The following ICA1 variants were observed in gnomAD, a reference collection of about 807,000 sequenced individuals.
The protein encoded by ICA1 is islet cell autoantigen 1, also known as 69 kDa islet cell autoantigen.
A neutral mutation model predicts 71.0 loss-of-function variants in ICA1; 40 were observed. The observed-to-expected ratio is 0.56, with a 90% CI of 0.44 to 0.73. The LOEUF is 0.73. Ranked by LOEUF, ICA1 falls within the 30% of genes least tolerant of loss-of-function variation. The pLI is 0.00. For missense variants in ICA1, 578 were observed against 576.5 expected (o/e 1.00, Z -0.03); for synonymous variants, 207 against 209.5 (o/e 0.99, Z 0.10).
chr7:8,133,384 C>T (rs1369597240), intron 12 of ICA1, among the ~76,000 whole-genome samples: 3 of 152,166 alleles, frequency 2.0e-5, no homozygotes, highest in Non-Finnish European at 2.9e-5. Context: ...GCTTGAATGC[C>T]TTCTGAGTAG....
At chr7:8,209,028 C>A (rs1007563038) in intron 6 of ICA1, among the ~76,000 whole-genome samples, 2 of 152,138 alleles carry the variant, frequency 1.3e-5, no homozygotes, top group African/African-American at 4.8e-5. Flanking sequence ...TTCTAGAAGC[C>A]AAGCTTGCAT....
chr7:8,165,678 T>A (rs1288843593), intron 6 of ICA1, among the ~76,000 whole-genome samples: 2 of 95,770 alleles, frequency 2.1e-5, no homozygotes, highest in African/African-American at 4.3e-5. Context: ...AGCAAAGTCT[T>A]AAAATATAAA....
At position 8,113,772 on chromosome 7, in the gene ICA1, T is replaced by C. The variant is rs761392983; in HGVS notation, c.*151A>G. On this transcript the variant is annotated 3_prime_UTR_variant, in exon 14 of 14. Transcript: ENST00000402384. This position sits in a 1 kb window ranked among gnomAD's most constrained non-coding sequence, Gnocchi z 4.2. Reference sequence around the variant, plus strand: ...CTTTATACCAAATAAGAGTAAATAATTATACCAATATAAACAGGGCCGTTG... The same window carrying C: ...CTTTATACCAAATAAGAGTAAATAACTATACCAATATAAACAGGGCCGTTG... 1.4e-6 allele frequency: 1 copy of C among 737,806 alleles called. No individual in the cohort carries two copies. The allele number at this position is 737,806 out of a possible 1,614,324, so 45.7% of individuals were successfully genotyped here. A position where few individuals can be genotyped will look rare whatever the true frequency, so the allele number is the denominator to read the frequency against.
At chr7:8,237,908 G>C (rs1476039967) in intron 1 of ICA1, among the ~76,000 whole-genome samples, 3 of 151,482 alleles carry the variant, frequency 2.0e-5, no homozygotes, top group Non-Finnish European at 4.4e-5. Context: ...TTCACATCTT[G>C]GCTATTGGGA....
At chr7:8,134,152 G>A (rs1034582314) in intron 12 of ICA1, among the ~76,000 whole-genome samples, 16 of 152,128 alleles carry the variant, frequency 1.1e-4, no homozygotes, top group African/African-American at 3.9e-4. Flanking sequence ...TGCAGGCACC[G>A]TGGCAGAAAG....
chr7:8,198,714 T>G (rs1788529833), intron 6 of ICA1, among the ~76,000 whole-genome samples: 1 of 152,056 alleles, frequency 6.6e-6, no homozygotes, highest in Non-Finnish European at 1.5e-5. Context: ...GTAGGAGGTG[T>G]GAGAGAGTAA....
intron 1 of ICA1, among the ~76,000 whole-genome samples, chr7:8,258,837 A>T (rs1811196958): frequency 6.6e-6 from 1 of 152,216 alleles, no homozygotes; most frequent in African/African-American, 2.4e-5. Flanking sequence ...TAGAGGCTCC[A>T]AGGCAGTTCT....
intron 6 of ICA1, among the ~76,000 whole-genome samples, chr7:8,206,914 C>A (rs765396756): frequency 6.6e-6 from 1 of 152,150 alleles, no homozygotes; most frequent in Admixed American, 6.5e-5. Flanking sequence ...CAAGTCCGTT[C>A]GCCTGAACCT....
chr7:8,187,702 G>A (rs1195235629), intron 6 of ICA1, among the ~76,000 whole-genome samples: 12 of 152,126 alleles, frequency 7.9e-5, no homozygotes, highest in Non-Finnish European at 1.6e-4. Context: ...TTGTACAACT[G>A]TACAAAAGAT....
chr7:8,126,868 G>T (rs1789395135), intron 13 of ICA1, among the ~76,000 whole-genome samples: 2 of 152,280 alleles, frequency 1.3e-5, no homozygotes, highest in East Asian at 3.9e-4. Context: ...ATTTCAACAT[G>T]AGTTTCAGGC....
At chr7:8,207,508 C>T (rs1371461745) in intron 6 of ICA1, among the ~76,000 whole-genome samples, 2 of 152,278 alleles carry the variant, frequency 1.3e-5, no homozygotes, top group South Asian at 2.1e-4. Context: ...TTTATTATAC[C>T]TGTAACTGTC....
intron 1 of ICA1, among the ~76,000 whole-genome samples, chr7:8,254,024 A>G (rs1226573996): frequency 6.6e-6 from 1 of 152,182 alleles, no homozygotes; most frequent in African/African-American, 2.4e-5. Context: ...CCTCCAAAAG[A>G]TGTGATCAAG....
At chr7:8,245,345 G>A (rs539313275) in intron 1 of ICA1, among the ~76,000 whole-genome samples, 1 of 148,592 alleles carries the variant, frequency 6.7e-6, no homozygotes, top group African/African-American at 2.5e-5. Context: ...TCACTCATAG[G>A]TGGGAATAGA....
intron 12 of ICA1, among the ~76,000 whole-genome samples, chr7:8,134,255 G>A (rs1051505694): frequency 6.6e-6 from 1 of 152,178 alleles, no homozygotes; most frequent in Non-Finnish European, 1.5e-5. Context: ...CATTCCCTAG[G>A]AGAACTGATC....
At chr7:8,255,206 T>A (rs1240742066) in intron 1 of ICA1, among the ~76,000 whole-genome samples, 1 of 152,160 alleles carries the variant, frequency 6.6e-6, no homozygotes, top group African/African-American at 2.4e-5. Context: ...GTTCCCATCC[T>A]CTTCCTTCTC....
chr7:8,212,962 T>C (rs974587048), intron 6 of ICA1, among the ~76,000 whole-genome samples: 2 of 152,090 alleles, frequency 1.3e-5, no homozygotes, highest in South Asian at 4.2e-4. Context: ...TAATTGTTTG[T>C]TCCCTTCCAA....
chr7:8,136,795 G>T (rs954281159), intron 12 of ICA1, among the ~76,000 whole-genome samples: 1 of 152,178 alleles, frequency 6.6e-6, no homozygotes, highest in South Asian at 2.1e-4. Flanking sequence ...AGGGGGTATG[G>T]ACTGCTAGTC....
chr7:8,113,214 T>TA lies in ICA1; in HGVS notation c.*708dup, dbSNP rs34985399. ...ATGTCAAATATCTTTTCTGTTTAAT[T>TA]AAAAAAAAAAAAAAAACAATGTCAC... is the stretch of plus-strand genomic sequence containing the variant. On this transcript the variant is annotated 3_prime_UTR_variant, in exon 14 of 14. Coordinates refer to ENST00000402384, the MANE Select transcript of ICA1 (RefSeq NM_001136020.3). The surrounding 1 kb of genome is among the most constrained non-coding windows in gnomAD (Gnocchi z 4.2). 62,460 of 142,644 alleles carry TA rather than the reference T, an allele frequency of 0.44. 15,165 individuals carry two copies. Among genetic ancestry groups the TA allele is most frequent in the Admixed American group, 0.56 (8,072 of 14,504 alleles). 8.8% of individuals were successfully genotyped at this position (142,644 alleles called of 1,614,324 possible). A position where few individuals can be genotyped will look rare whatever the true frequency, so the allele number is the denominator to read the frequency against.
At chr7:8,169,833 T>A (rs1174229246) in intron 6 of ICA1, among the ~76,000 whole-genome samples, 1 of 151,898 alleles carries the variant, frequency 6.6e-6, no homozygotes, top group Non-Finnish European at 1.5e-5. Context: ...TAAAAACGTT[T>A]TAAATTTTGA....
Sources: allele counts gnomAD v4.1 joint callset (sites outside exome capture counted in the v4.1 genomes callset), GRCh38; gene constraint gnomAD v4.1.1; non-coding constraint Gnocchi (gnomAD v3.1); transcripts MANE v1.5; gene names NCBI Gene and HGNC (gene_info 2026-07-23, HGNC 2026-07-21).